The following NEK1 variants were observed in gnomAD, a reference collection of about 807,000 sequenced individuals.
NEK1 encodes serine/threonine-protein kinase Nek1.
Under a neutral mutation model 182.1 loss-of-function variants are expected in NEK1, and 137 were observed. The ratio of observed to expected loss-of-function variants is 0.75; its 90% CI spans 0.65 to 0.87. NEK1 has a LOEUF of 0.87. Ranked by LOEUF, NEK1 falls within the 40% of genes least tolerant of loss-of-function variation. The probability of loss-of-function intolerance (pLI) is 0.00; values close to 1 mark genes in which losing one functional copy is unlikely to be tolerated. For synonymous variants in NEK1, 513 were observed against 492.2 expected (o/e 1.04, Z -0.56); for missense variants, 1,391 against 1,494.4 (o/e 0.93, Z 1.14).
At chr4:169,531,641 A>T (rs576771961) in intron 19 of NEK1, among the ~76,000 whole-genome samples, 2 of 152,260 alleles carry the variant, frequency 1.3e-5, no homozygotes, top group Non-Finnish European at 2.9e-5. Context: ...GAAATGGCTG[A>T]AACCAGAGAA....
chr4:169,550,908 A>G (rs186866815), intron 18 of NEK1, among the ~76,000 whole-genome samples: 1 of 152,354 alleles, frequency 6.6e-6, no homozygotes, highest in East Asian at 1.9e-4. Context: ...GCCTATGCCC[A>G]TGCCCATGAA....
chr4:169,591,251 T>C (rs1439222122), intron 5 of NEK1, among the ~76,000 whole-genome samples: 2 of 151,702 alleles, frequency 1.3e-5, no homozygotes, highest in Non-Finnish European at 2.9e-5. Flanking sequence ...GTTTAAATGA[T>C]CCTCCAGCCT....
chr4:169,532,597 T>C (rs1460819316), intron 19 of NEK1, among the ~76,000 whole-genome samples: 1 of 152,080 alleles, frequency 6.6e-6, no homozygotes. Context: ...ATCCTTGTAC[T>C]TTTCCACTCA....
intron 19 of NEK1, among the ~76,000 whole-genome samples, chr4:169,532,846 G>C (rs946592834): frequency 1.3e-5 from 2 of 151,942 alleles, no homozygotes; most frequent in African/African-American, 4.8e-5. Context: ...CAGCTACTTG[G>C]GAGGCTGAGG....
At chr4:169,493,753 A>T (rs1298753928) in intron 23 of NEK1, among the ~76,000 whole-genome samples, 5 of 152,254 alleles carry the variant, frequency 3.3e-5, no homozygotes, top group Admixed American at 1.3e-4. Context: ...GAAAGAATTT[A>T]AAAAAGCAAA....
At chr4:169,508,403 T>C in intron 20 of NEK1, 72 bp from the exon 21 acceptor site, 1 of 1,298,140 alleles carries the variant, frequency 7.7e-7, no homozygotes, top group South Asian at 1.5e-5. Context: ...GCTAGATTTT[T>C]TTTAAATTTA....
At chr4:169,530,319 G>T (rs1311586780) in intron 19 of NEK1, among the ~76,000 whole-genome samples, 1 of 152,176 alleles carries the variant, frequency 6.6e-6, no homozygotes, top group African/African-American at 2.4e-5. Flanking sequence ...TTTGACTTAT[G>T]CTTTTTCAAC....
Position 169,394,433 on chromosome 4 carries a change from C to T in NEK1, c.*77G>A, listed in dbSNP as rs1730363865. On this transcript the variant is annotated 3_prime_UTR_variant, in exon 36 of 36. Coordinates refer to ENST00000507142, the MANE Select transcript of NEK1 (RefSeq NM_001199397.3). ...TTTTAAATAAATAATTGCTGTATTT[C>T]CCACTGAAGCTTGTTATTCTGATAA... 1.1e-6 allele frequency: 1 copy of T among 876,000 alleles called. No homozygotes were observed. The highest frequency in any genetic ancestry group is 1.8e-6 in the Non-Finnish European group (1 of 551,630). 54.3% of individuals were successfully genotyped at this position (876,000 alleles called of 1,614,324 possible).
chr4:169,566,474 A>G (rs748903795), intron 12 of NEK1, among the ~76,000 whole-genome samples: 1 of 152,210 alleles, frequency 6.6e-6, no homozygotes, highest in Non-Finnish European at 1.5e-5. Flanking sequence ...GTACTGAAGT[A>G]TAACATAATA....
intron 19 of NEK1, among the ~76,000 whole-genome samples, chr4:169,524,461 C>CAAAAAAAAAAAAA (rs953408098): frequency 2.0e-5 from 1 of 50,600 alleles, no homozygotes; most frequent in African/African-American, 5.3e-5. Flanking sequence ...AATTCCATCT[C>CAAAAAAAAAAAAA]AAAAAAAAAA....
chr4:169,485,703 T>C (rs915593984), intron 23 of NEK1, among the ~76,000 whole-genome samples: 1 of 152,166 alleles, frequency 6.6e-6, no homozygotes, highest in East Asian at 1.9e-4. Flanking sequence ...GCTAAATCTA[T>C]AATATATATT....
intron 35 of NEK1, among the ~76,000 whole-genome samples, chr4:169,395,598 T>C (rs775538591): frequency 6.6e-6 from 1 of 152,228 alleles, no homozygotes; most frequent in Non-Finnish European, 1.5e-5. Flanking sequence ...GCTTCCAAGG[T>C]AACACTTATC....
intron 23 of NEK1, among the ~76,000 whole-genome samples, chr4:169,490,751 G>T (rs1043488268): frequency 1.3e-5 from 2 of 151,912 alleles, no homozygotes; most frequent in African/African-American, 4.8e-5. Flanking sequence ...TTGAAGATAG[G>T]TCTTTTGAAG....
rs769486479 is a variant in NEK1, at chr4:169,599,202, A to C, written c.215-5T>G. On this transcript the variant is annotated splice_polypyrimidine_tract_variant and splice_region_variant and intron_variant, in intron 4 of 35. Coordinates refer to ENST00000507142, the MANE Select transcript of NEK1 (RefSeq NM_001199397.3). The stretch of plus-strand genomic sequence containing the variant: ...CTATGTAGAGAGAGCCATTTTCTAC[A>C]AAATATAAACATTACAGTCCACTTT... 6.3e-7 allele frequency: 1 copy of C among 1,593,894 alleles called. No individual in the cohort carries two copies. Among genetic ancestry groups the C allele is most frequent in the South Asian group, 1.1e-5 (1 of 90,062 alleles).
intron 12 of NEK1, among the ~76,000 whole-genome samples, chr4:169,569,620 T>G (rs1411874574): frequency 6.6e-6 from 1 of 152,112 alleles, no homozygotes; most frequent in Admixed American, 6.5e-5. Flanking sequence ...GCCTGCCGAG[T>G]GCCTGCGATT....
intron 35 of NEK1, among the ~76,000 whole-genome samples, chr4:169,398,363 TG>T (rs754792845): frequency 1.6e-4 from 24 of 152,156 alleles, no homozygotes; most frequent in Non-Finnish European, 3.1e-4. Flanking sequence ...AAATACTTTT[TG>T]CTCCTTAAAG....
intron 29 of NEK1, among the ~76,000 whole-genome samples, chr4:169,428,930 G>C (rs1033846854): frequency 6.6e-6 from 1 of 151,944 alleles, no homozygotes; most frequent in Non-Finnish European, 1.5e-5. Context: ...TATTAATAAA[G>C]AGTCCCCTTT....
chr4:169,420,533 G>A (rs1411010706), intron 31 of NEK1, among the ~76,000 whole-genome samples: 16 of 152,148 alleles, frequency 1.1e-4, no homozygotes, highest in Admixed American at 8.5e-4. Flanking sequence ...GTGACACTAC[G>A]ATGTCATTAG....
intron 23 of NEK1, among the ~76,000 whole-genome samples, chr4:169,492,079 GAAAGGAAC>G (rs2149611531): frequency 6.6e-6 from 1 of 152,220 alleles, no homozygotes; most frequent in East Asian, 1.9e-4. Context: ...AAGAGAAGAA[GAAAGGAAC>G]AAAGGACCAA....
Sources: allele counts gnomAD v4.1 joint callset (sites outside exome capture counted in the v4.1 genomes callset), GRCh38; gene constraint gnomAD v4.1.1; transcripts MANE v1.5; gene names NCBI Gene and HGNC (gene_info 2026-07-23, HGNC 2026-07-21).